The following EDEM3 variants were observed in gnomAD, a reference collection of about 807,000 sequenced individuals.
EDEM3 encodes the protein ER degradation enhancing alpha-mannosidase like protein 3.
Under a neutral mutation model 110.2 loss-of-function variants are expected in EDEM3, and 60 were observed. The ratio of observed to expected loss-of-function variants is 0.54; its 90% confidence interval spans 0.44 to 0.67. EDEM3 has a LOEUF of 0.67. Ranked by LOEUF, EDEM3 falls within the 30% of genes least tolerant of loss-of-function variation. EDEM3 has a pLI of 0.00. For missense variants in EDEM3, 996 were observed against 1,121.0 expected (o/e 0.89, Z 1.59); for synonymous variants, 352 against 382.9 (o/e 0.92, Z 0.94).
chr1:184,722,237 T>A (rs1246079528), intron 8 of EDEM3, among the ~76,000 whole-genome samples: 2 of 152,114 alleles, frequency 1.3e-5, no homozygotes. Context: ...GACACAACAT[T>A]TTTCTAGTGG....
intron 2 of EDEM3, among the ~76,000 whole-genome samples, chr1:184,741,365 C>T (rs1256611291): frequency 6.6e-6 from 1 of 151,876 alleles, no homozygotes; most frequent in Non-Finnish European, 1.5e-5. Context: ...CGCCATTGCA[C>T]TCCAGCCTGG....
Position 184,751,958 on chromosome 1 carries a change from G to A in EDEM3, c.159-2366C>T, listed in dbSNP as rs549820967. ...AGTAGAGAAGGGGTTTCTCCATGTT[G>A]GTCAGGCTGGTCTCGAACTCCCGAC... On this transcript the variant is annotated intron_variant, in intron 1 of 19. Coordinates refer to ENST00000318130, the MANE Select transcript of EDEM3 (RefSeq NM_025191.4). Among the ~76,000 whole-genome samples the A allele has an allele frequency of 7.2e-5, 11 of 152,240 alleles. 1 individual carries two copies. The East Asian group carries it at 2.1e-3, about 29-fold the overall frequency.
chr1:184,720,445 C>T lies in EDEM3; in HGVS notation c.951+844G>A, dbSNP rs567165547. ...AAACAGAGGCAAATAATATTAGTTA[C>T]TTGCCCAAAGTCACAAAACCCGTAG... On this transcript the variant is annotated intron_variant, in intron 9 of 19. Coordinates refer to ENST00000318130, the MANE Select transcript of EDEM3 (RefSeq NM_025191.4). 2.0e-5 allele frequency: 3 copies of T among 151,820 alleles called. No homozygotes were observed. In the East Asian group the frequency reaches 5.8e-4, roughly 29 times the overall value. The allele number at this position is 151,820 out of a possible 1,614,324, so 9.4% of individuals were successfully genotyped here.
At position 184,717,578 on chromosome 1, in the gene EDEM3, T is replaced by G; in HGVS notation, c.1207A>C (p.Arg403=). ...TAGGTACTTTCTGCAAATTCTGGCC[T>G]TAAAGGATGTTGAGCCCAGTGTACT... ...FRVHWAQHPL[R]PEFAESTYFL... is the part of the protein sequence containing the mutation. Residue 403 remains arginine (R), a synonymous_variant, in exon 12 of 20, where the codon AGG becomes CGG. Coordinates refer to ENST00000318130, the MANE Select transcript of EDEM3 (RefSeq NM_025191.4). 1 of 1,607,382 alleles carries G rather than the reference T, an allele frequency of 6.2e-7. No individual in the cohort carries two copies. The highest frequency in any genetic ancestry group is 1.1e-5 in the South Asian group (1 of 90,008).
At chr1:184,698,919 T>C (rs1468502566) in intron 19 of EDEM3, among the ~76,000 whole-genome samples, 2 of 151,900 alleles carry the variant, frequency 1.3e-5, no homozygotes, top group Middle Eastern at 6.8e-3. Context: ...AAAATGGCAG[T>C]TAGAGAACTA....
intron 6 of EDEM3, among the ~76,000 whole-genome samples, chr1:184,729,554 CA>C (rs1651383157): frequency 6.6e-6 from 1 of 152,142 alleles, no homozygotes; most frequent in Admixed American, 6.5e-5. Context: ...CCAACTCTTA[CA>C]ATACCATTTC....
chr1:184,704,758 CA>C (rs1034117222), intron 18 of EDEM3, among the ~76,000 whole-genome samples: 2 of 143,086 alleles, frequency 1.4e-5, no homozygotes, highest in African/African-American at 2.6e-5. Context: ...TAATAGCTAC[CA>C]AAAAAAACAT....
At chr1:184,753,934 C>G (rs1652930533) in intron 1 of EDEM3, among the ~76,000 whole-genome samples, 1 of 152,176 alleles carries the variant, frequency 6.6e-6, no homozygotes, top group East Asian at 1.9e-4. Context: ...ATACTTGAGA[C>G]TTTTGAATAA....
chr1:184,716,698 T>C (rs1308720763), intron 13 of EDEM3, among the ~76,000 whole-genome samples, 190 bp downstream of exon 13: 2 of 152,154 alleles, frequency 1.3e-5, no homozygotes, highest in African/African-American at 4.8e-5. Context: ...CCAGGCACTA[T>C]GATAAAAATA....
At chr1:184,748,962 A>G (rs1412693590) in intron 2 of EDEM3, among the ~76,000 whole-genome samples, 1 of 152,228 alleles carries the variant, frequency 6.6e-6, no homozygotes, top group Non-Finnish European at 1.5e-5. Flanking sequence ...TTTGAATTCC[A>G]GAATTTGCTA....
chr1:184,740,209 T>C (rs1280414814), intron 2 of EDEM3, among the ~76,000 whole-genome samples: 1 of 152,204 alleles, frequency 6.6e-6, no homozygotes, highest in Non-Finnish European at 1.5e-5. Flanking sequence ...GTTAAGTACA[T>C]GTTTCAACTT....
In EDEM3 at chr1:184,692,254, G is replaced by A. The variant is rs1359636740; in HGVS notation, c.*1809C>T. 6.6e-6 allele frequency: 1 copy of A among 151,992 alleles called. No individual in the cohort carries two copies. Among genetic ancestry groups the A allele is most frequent in the Non-Finnish European group, 1.5e-5 (1 of 67,960 alleles). The allele number at this position is 151,992 out of a possible 1,614,324, so 9.4% of individuals were successfully genotyped here. ...CCTTCCATATACTGTATATATTATAGTTCTATCTTGTTACACCAAATCTCA... is the reference window on the plus strand; with the variant it reads ...CCTTCCATATACTGTATATATTATAATTCTATCTTGTTACACCAAATCTCA... On this transcript the variant is annotated 3_prime_UTR_variant, in exon 20 of 20. Transcript: ENST00000318130.
intron 12 of EDEM3, 152 bp downstream of exon 12, chr1:184,717,388 T>C: frequency 1.7e-6 from 1 of 598,982 alleles, no homozygotes; most frequent in Non-Finnish European, 2.8e-6. Context: ...CATTCAATAA[T>C]TCTATGGACT....
Position 184,725,450 on chromosome 1 carries a change from C to T in EDEM3, c.747+805G>A, listed in dbSNP as rs565029329. Reference sequence around the variant, plus strand: ...TAGTGAACAAGATATAGAGCAAAACCTTAAGTTTAAAAGATTAACCAACCA... The same window carrying T: ...TAGTGAACAAGATATAGAGCAAAACTTTAAGTTTAAAAGATTAACCAACCA... On this transcript the variant is annotated intron_variant, in intron 7 of 19. Transcript: ENST00000318130. Among the ~76,000 whole-genome samples, 25 of 152,124 alleles carry T rather than the reference C, an allele frequency of 1.6e-4. No individual in the cohort carries two copies. In the South Asian group the frequency reaches 5.0e-3, roughly 30 times the overall value.
intron 2 of EDEM3, among the ~76,000 whole-genome samples, chr1:184,741,697 C>T (rs142264886): frequency 3.8e-3 from 576 of 152,232 alleles, no homozygotes; most frequent in Middle Eastern, 0.017. Context: ...TTACTTTGTT[C>T]ATCTCTTGAT....
intron 2 of EDEM3, among the ~76,000 whole-genome samples, chr1:184,748,632 T>C (rs1652579030): frequency 6.6e-6 from 1 of 152,150 alleles, no homozygotes; most frequent in African/African-American, 2.4e-5. Context: ...ACGAGGACTG[T>C]CAAATATAAA....
Position 184,711,198 on chromosome 1 carries a change from A to C in EDEM3, c.1691+525T>G, listed in dbSNP as rs143422918. On this transcript the variant is annotated intron_variant, in intron 15 of 19. Transcript: ENST00000318130. The stretch of plus-strand genomic sequence containing the variant: ...ACCGCAACCTCCACCTCCTGGGTTC[A>C]AGCGATTCTACTGCCTCAGCTTCCC... 2.2e-3 allele frequency among the ~76,000 whole-genome samples: 330 copies of C among 152,182 alleles called. 5 individuals carry two copies. Among genetic ancestry groups the C allele is most frequent in the Admixed American group, 0.014 (216 of 15,284 alleles).
chr1:184,729,712 C>T (rs926123725), intron 6 of EDEM3, among the ~76,000 whole-genome samples: 19 of 152,192 alleles, frequency 1.2e-4, no homozygotes, highest in African/African-American at 4.3e-4. Context: ...AGTTATTTTT[C>T]TTCTATTGTC....
chr1:184,714,202 G>T (rs568692052), intron 13 of EDEM3, among the ~76,000 whole-genome samples: 1 of 152,172 alleles, frequency 6.6e-6, no homozygotes, highest in South Asian at 2.1e-4. Context: ...AAAGAACAAG[G>T]CATGGTAAGA....
Sources: allele counts gnomAD v4.1 joint callset (sites outside exome capture counted in the v4.1 genomes callset), GRCh38; gene constraint gnomAD v4.1.1; transcripts MANE v1.5; gene names NCBI Gene and HGNC (gene_info 2026-07-23, HGNC 2026-07-21).